The following TMEM181 variants were observed in gnomAD, a reference collection of about 807,000 sequenced individuals.
The protein encoded by TMEM181 is transmembrane protein 181, also known as G protein-coupled receptor 178.
TMEM181 carries 39 observed loss-of-function variants against 71.9 expected under a neutral mutation model. That is an observed-to-expected ratio of 0.54 (90% confidence interval 0.42 to 0.71). The LOEUF (loss-of-function observed/expected upper bound fraction) is 0.71, where lower values mean the gene tolerates loss of function less well. Ranked by LOEUF, TMEM181 falls within the 30% of genes least tolerant of loss-of-function variation. The pLI is 0.00. For synonymous variants in TMEM181, 245 were observed against 228.8 expected, an observed-to-expected ratio of 1.07 and a Z score of -0.64; for missense variants, 595 against 583.0, an observed-to-expected ratio of 1.02 and a Z score of -0.21.
chr6:158,582,641 G>A (rs1453886129), intron 3 of TMEM181, among the ~76,000 whole-genome samples: 1 of 151,804 alleles, frequency 6.6e-6, no homozygotes, highest in Non-Finnish European at 1.5e-5. Flanking sequence ...CTCCAGCCCT[G>A]GGTGACAGAG....
At chr6:158,591,718 T>A (rs910723475) in intron 6 of TMEM181, among the ~76,000 whole-genome samples, 8 of 152,104 alleles carry the variant, frequency 5.3e-5, no homozygotes, top group Non-Finnish European at 7.3e-5. Context: ...TTTCATCATC[T>A]TCTTTATTAG....
intron 1 of TMEM181, 122 bp downstream of exon 1, chr6:158,560,354 A>G: frequency 1.0e-6 from 1 of 976,454 alleles, no homozygotes; most frequent in Non-Finnish European, 1.2e-6. Flanking sequence ...AACTGGGGGC[A>G]GGGAAAAGGG....
intron 1 of TMEM181, among the ~76,000 whole-genome samples, chr6:158,541,025 A>G (rs576953853): frequency 6.6e-5 from 10 of 152,244 alleles, no homozygotes; most frequent in Admixed American, 6.5e-4. Context: ...GGAGCTTTTA[A>G]AAACAAAGAT....
At chr6:158,584,146 A>AGATGTAT (rs1220581649) in intron 4 of TMEM181, 102 bp downstream of exon 4, 1 of 946,662 alleles carries the variant, frequency 1.1e-6, no homozygotes, top group African/African-American at 1.7e-5. Context: ...GCTCAAAGAT[A>AGATGTAT]GATGTATAAG....
upstream of TMEM181, among the ~76,000 whole-genome samples, chr6:158,557,455 T>C (rs2029933199): frequency 6.6e-6 from 1 of 152,144 alleles, no homozygotes; most frequent in Non-Finnish European, 1.5e-5. Context: ...CTTTCCCCTT[T>C]TCATAACATG....
intron 2 of TMEM181, 32 bp downstream of exon 2, chr6:158,573,555 T>A: frequency 1.3e-6 from 2 of 1,554,480 alleles, no homozygotes; most frequent in Non-Finnish European, 1.7e-6. Flanking sequence ...TTGAATCTTT[T>A]GCCATGCGCG....
At chr6:158,581,034 C>T in intron 3 of TMEM181, 39 bp downstream of exon 3, 1 of 1,567,204 alleles carries the variant, frequency 6.4e-7, no homozygotes, top group Non-Finnish European at 8.8e-7. Context: ...TGGTGGGGTG[C>T]ATTATAAACC....
chr6:158,572,657 T>C (rs1782929655), intron 1 of TMEM181, among the ~76,000 whole-genome samples: 1 of 152,230 alleles, frequency 6.6e-6, no homozygotes, highest in Non-Finnish European at 1.5e-5. Flanking sequence ...AGTTTTCTTT[T>C]GTTTGCTGGC....
intron 6 of TMEM181, among the ~76,000 whole-genome samples, chr6:158,590,071 C>G (rs991498252): frequency 6.6e-5 from 10 of 152,298 alleles, no homozygotes; most frequent in African/African-American, 1.9e-4. Context: ...CACAGCACCC[C>G]CTTCTCTGGC....
At chr6:158,590,690 C>G (rs892085421) in intron 6 of TMEM181, among the ~76,000 whole-genome samples, 1 of 151,568 alleles carries the variant, frequency 6.6e-6, no homozygotes, top group Admixed American at 6.6e-5. Context: ...TCTTGATCTC[C>G]TGACCTGGTG....
At chr6:158,586,153 A>T (rs1193755178) in intron 5 of TMEM181, among the ~76,000 whole-genome samples, 1 of 152,120 alleles carries the variant, frequency 6.6e-6, no homozygotes, top group East Asian at 1.9e-4. Flanking sequence ...GGGATAGGAA[A>T]CCTGGGTCCA....
intron 10 of TMEM181, among the ~76,000 whole-genome samples, chr6:158,623,043 G>A (rs1786056968): frequency 6.6e-6 from 1 of 152,110 alleles, no homozygotes; most frequent in Admixed American, 6.5e-5. Flanking sequence ...GTGTGACTTC[G>A]GAGCCCAGCA....
chr6:158,542,868 GTTT>G lies in TMEM181; in HGVS notation c.131+6026_131+6028del, dbSNP rs61401561. ...TCTGCCTGCCTCGGCCTCCAGAGTG[GTTT>G]TTTTTTTTTTTTTTTTTTTTTTGAG... is the stretch of plus-strand genomic sequence containing the variant. On this transcript the variant is annotated intron_variant, in intron 1 of 16. Coordinates refer to the TMEM181 transcript ENST00000367090. Among the ~76,000 whole-genome samples the G allele has an allele frequency of 6.8e-5, 5 of 73,496 alleles. No homozygotes were observed. In the South Asian group the frequency reaches 2.1e-3, roughly 30 times the overall value. The allele number at this position is 73,496 out of a possible 152,430, so 48.2% of individuals were successfully genotyped here. A position where few individuals can be genotyped will look rare whatever the true frequency, so the allele number is the denominator to read the frequency against.
chr6:158,627,719 C>A (rs1472457927), intron 13 of TMEM181, among the ~76,000 whole-genome samples: 1 of 152,218 alleles, frequency 6.6e-6, no homozygotes, highest in Non-Finnish European at 1.5e-5. Context: ...GGAGGCAGAG[C>A]GAGCTCTTGA....
At chr6:158,546,128 C>T (rs908413459) in intron 1 of TMEM181, among the ~76,000 whole-genome samples, 6 of 152,186 alleles carry the variant, frequency 3.9e-5, no homozygotes, top group African/African-American at 7.2e-5. Context: ...GAGATTACTT[C>T]CTATTCCATC....
chr6:158,570,493 G>A (rs527711422), intron 1 of TMEM181, among the ~76,000 whole-genome samples: 1 of 151,600 alleles, frequency 6.6e-6, no homozygotes. Flanking sequence ...CGCCCGCCTT[G>A]GCCTCCCAAA....
chr6:158,599,386 A>G (rs1241979335), intron 6 of TMEM181, among the ~76,000 whole-genome samples: 2 of 152,216 alleles, frequency 1.3e-5, no homozygotes, highest in Non-Finnish European at 2.9e-5. Context: ...TGAAAGGACA[A>G]AGACAGCAGC....
rs1359458578 is a variant in TMEM181, at chr6:158,634,389, T to G, written c.*2501T>G. 1 of 152,188 alleles carries G rather than the reference T, an allele frequency of 6.6e-6. No individual in the cohort carries two copies. Among genetic ancestry groups the G allele is most frequent in the Non-Finnish European group, 1.5e-5 (1 of 68,026 alleles). The allele number at this position is 152,188 out of a possible 1,614,324, so 9.4% of individuals were successfully genotyped here. ...AGAAAATTGTTGAAGAAAAAATAAA[T>G]TATTTACTGAGGGTAGTTATGTTAA... On this transcript the variant is annotated 3_prime_UTR_variant, in exon 17 of 17. Coordinates refer to ENST00000684151, the MANE Select transcript of TMEM181 (RefSeq NM_001376852.1).
upstream of TMEM181, among the ~76,000 whole-genome samples, chr6:158,556,691 T>C (rs1248125078): frequency 6.6e-6 from 1 of 152,226 alleles, no homozygotes; most frequent in African/African-American, 2.4e-5. Context: ...TCTTTTGTTA[T>C]GGTTTTTGTT....
Sources: allele counts gnomAD v4.1 joint callset (sites outside exome capture counted in the v4.1 genomes callset), GRCh38; gene constraint gnomAD v4.1.1; transcripts MANE v1.5; gene names NCBI Gene and HGNC (gene_info 2026-07-23, HGNC 2026-07-21).